The following DIP2C variants were observed in gnomAD, a reference collection of about 807,000 sequenced individuals.
DIP2C encodes disco-interacting protein 2 homolog C.
DIP2C carries 33 observed loss-of-function variants against 192.4 expected under a neutral mutation model. The ratio of observed to expected loss-of-function variants is 0.17; its 90% confidence interval spans 0.13 to 0.23. The LOEUF is 0.23. Ranked by LOEUF, DIP2C falls within the 10% of genes least tolerant of loss-of-function variation. The probability of loss-of-function intolerance (pLI) is 1.00; values close to 1 mark genes in which losing one functional copy is unlikely to be tolerated. For synonymous variants in DIP2C, 979 were observed against 864.1 expected, an observed-to-expected ratio of 1.13 and a Z score of -2.33; for missense variants, 1,537 against 2,110.1, an observed-to-expected ratio of 0.73 and a Z score of 5.32.
At chr10:584,862 C>T (rs1246167261) in intron 1 of DIP2C, among the ~76,000 whole-genome samples, 1 of 132,972 alleles carries the variant, frequency 7.5e-6, no homozygotes, top group Non-Finnish European at 1.6e-5. Context: ...AATCTCGGGG[C>T]CCACAACCTG....
chr10:418,883 G>A (rs139049037), intron 6 of DIP2C, among the ~76,000 whole-genome samples, 182 bp downstream of exon 6: 20 of 152,356 alleles, frequency 1.3e-4, no homozygotes, highest in African/African-American at 3.8e-4. Flanking sequence ...GGGCTCACTT[G>A]GAGAATATTT....
intron 10 of DIP2C, among the ~76,000 whole-genome samples, chr10:393,704 G>C (rs571323995): frequency 6.7e-6 from 1 of 150,310 alleles, no homozygotes; most frequent in African/African-American, 2.5e-5. Context: ...GCTTGAACCC[G>C]GGAAGCGGAG....
At chr10:593,380 T>TA (rs1412333311) in intron 1 of DIP2C, among the ~76,000 whole-genome samples, 5 of 152,046 alleles carry the variant, frequency 3.3e-5, no homozygotes, top group Non-Finnish European at 7.4e-5. Flanking sequence ...ACCTTAGTGA[T>TA]AATTTATCCT....
At chr10:598,926 C>T (rs1450916892) in intron 1 of DIP2C, among the ~76,000 whole-genome samples, 1 of 152,226 alleles carries the variant, frequency 6.6e-6, no homozygotes, top group Non-Finnish European at 1.5e-5. Flanking sequence ...GTAGAAAAGA[C>T]TGCCTCAAGG....
At chr10:291,768 T>A (rs1955508360) in intron 32 of DIP2C, among the ~76,000 whole-genome samples, 1 of 152,336 alleles carries the variant, frequency 6.6e-6, no homozygotes, top group African/African-American at 2.4e-5. Context: ...GAAGTGCTTG[T>A]GGTGCGTGAG....
At chr10:421,815 G>A (rs1966204036) in intron 5 of DIP2C, among the ~76,000 whole-genome samples, 1 of 152,152 alleles carries the variant, frequency 6.6e-6, no homozygotes, top group South Asian at 2.1e-4. Context: ...AGCAGTTATT[G>A]GGAAAAGTGA....
intron 1 of DIP2C, among the ~76,000 whole-genome samples, chr10:656,061 C>CTA (rs547538966): frequency 6.8e-6 from 1 of 146,518 alleles, no homozygotes. Context: ...CTATTGTATA[C>CTA]TATATATATA....
intron 14 of DIP2C, among the ~76,000 whole-genome samples, chr10:385,592 C>T (rs2132910797): frequency 6.6e-6 from 1 of 152,326 alleles, no homozygotes; most frequent in East Asian, 1.9e-4. Flanking sequence ...CTGGCCGGGC[C>T]TTGCTGCGGC....
intron 24 of DIP2C, among the ~76,000 whole-genome samples, chr10:355,531 A>G (rs911011227): frequency 6.6e-6 from 1 of 152,130 alleles, no homozygotes; most frequent in Non-Finnish European, 1.5e-5. Flanking sequence ...GAAGACTTAC[A>G]TTTTTCTTCC....
intron 1 of DIP2C, among the ~76,000 whole-genome samples, chr10:683,350 A>G (rs759728019): frequency 1.3e-5 from 2 of 152,248 alleles, no homozygotes; most frequent in African/African-American, 2.4e-5. Context: ...CTTAAAGGGC[A>G]CTGTTTATGA....
At chr10:369,047 T>TA (rs1960648841) in intron 18 of DIP2C, among the ~76,000 whole-genome samples, 1 of 152,262 alleles carries the variant, frequency 6.6e-6, no homozygotes, top group South Asian at 2.1e-4. Context: ...AAAAGGTCTC[T>TA]ACTGCTGAAA....
rs1370527389 is a variant in DIP2C, at chr10:384,742, C to G, written c.1663-103G>C. ...ACTAGGCCGCACGGGCAGGGGGGAGCTCTCAGGGAGCGCTGCAGACACCAT... is the reference window on the plus strand; with the variant it reads ...ACTAGGCCGCACGGGCAGGGGGGAGGTCTCAGGGAGCGCTGCAGACACCAT... On this transcript the variant is annotated intron_variant, in intron 14 of 36. Coordinates refer to ENST00000280886, the MANE Select transcript of DIP2C (RefSeq NM_014974.3). 5 of 1,177,548 alleles carry G rather than the reference C, an allele frequency of 4.2e-6. No individual in the cohort carries two copies. In the African/African-American group the frequency reaches 7.5e-5, roughly 18 times the overall value. 72.9% of individuals were successfully genotyped at this position (1,177,548 alleles called of 1,614,324 possible).
chr10:491,733 G>A (rs1389586205), intron 1 of DIP2C, among the ~76,000 whole-genome samples: 2 of 152,216 alleles, frequency 1.3e-5, no homozygotes, highest in East Asian at 1.9e-4. Flanking sequence ...AAGCACTAAG[G>A]ACACAAGAAA....
intron 1 of DIP2C, among the ~76,000 whole-genome samples, chr10:524,967 C>CAAAAAAAAAAAAAAAAATAAAAAAAA (rs10652748): frequency 9.0e-6 from 1 of 111,212 alleles, no homozygotes; most frequent in Non-Finnish European, 1.7e-5. Context: ...ATCACAATTT[C>CAAAAAAAAAAAAAAAAATAAAAAAAA]AAAAAAAAAA....
At chr10:288,104 C>T (rs1026156654) in intron 33 of DIP2C, among the ~76,000 whole-genome samples, 4 of 152,110 alleles carry the variant, frequency 2.6e-5, no homozygotes, top group Admixed American at 2.0e-4. Context: ...GGCTCCAATG[C>T]GCAGAACGAG....
At chr10:464,121 C>T (rs138861919) in intron 3 of DIP2C, among the ~76,000 whole-genome samples, 2,366 of 152,192 alleles carry the variant, frequency 0.016, 66 homozygotes, top group African/African-American at 0.054. Context: ...AAAGCAATAG[C>T]AACAAAAGCC....
intron 1 of DIP2C, among the ~76,000 whole-genome samples, chr10:615,517 A>C (rs1280830369): frequency 6.6e-6 from 1 of 152,146 alleles, no homozygotes; most frequent in Non-Finnish European, 1.5e-5. Flanking sequence ...ACACTGCACC[A>C]GACTTCAACT....
At chr10:602,801 A>T (rs907467816) in intron 1 of DIP2C, among the ~76,000 whole-genome samples, 1 of 152,220 alleles carries the variant, frequency 6.6e-6, no homozygotes, top group Non-Finnish European at 1.5e-5. Flanking sequence ...ACCCAGAACC[A>T]GGGTGTCGAT....
At position 441,061 on chromosome 10, in the gene DIP2C, CCT is replaced by C. The variant is rs1423978251; in HGVS notation, c.269-67_269-66del. On this transcript the variant is annotated intron_variant, in intron 3 of 36. Transcript: ENST00000280886. ...GGTCCCAGAGGCCAAGCTGCACCCT[CCT>C]CTCTGTCCCTGCAGCACAGTTCATC... 1.8e-5 allele frequency: 28 copies of C among 1,541,312 alleles called. 1 individual carries two copies. In the Admixed American group the frequency reaches 1.9e-4, roughly 11 times the overall value.
Sources: allele counts gnomAD v4.1 joint callset (sites outside exome capture counted in the v4.1 genomes callset), GRCh38; gene constraint gnomAD v4.1.1; transcripts MANE v1.5; gene names NCBI Gene and HGNC (gene_info 2026-07-23, HGNC 2026-07-21).